WDR88: variants seen among roughly 807,000 people sequenced by gnomAD.
The protein encoded by WDR88 is WD repeat domain 88.
Under a neutral mutation model 46.8 loss-of-function variants are expected in WDR88, and 40 were observed. The observed-to-expected ratio is 0.86, with a 90% confidence interval of 0.66 to 1.11. The LOEUF is 1.11. Among genes scored for constraint, WDR88 ranks in the 50% most tolerant of loss-of-function variants. WDR88 has a pLI of 0.00. For missense variants in WDR88, 562 were observed against 602.4 expected (o/e 0.93, Z 0.70); for synonymous variants, 235 against 240.7 (o/e 0.98, Z 0.22).
At chr19:33,159,808 C>G (rs538697878) in intron 7 of WDR88, among the ~76,000 whole-genome samples, 23 of 152,074 alleles carry the variant, frequency 1.5e-4, no homozygotes, top group Non-Finnish European at 2.8e-4. Context: ...TTATTGTGCC[C>G]TTTATTTTTA....
chr19:33,168,668 T>G (rs1973991541), intron 9 of WDR88, among the ~76,000 whole-genome samples: 1 of 152,216 alleles, frequency 6.6e-6, no homozygotes, highest in South Asian at 2.1e-4. Flanking sequence ...GACTCATCAT[T>G]AAGATGTCAG....
intron 6 of WDR88, among the ~76,000 whole-genome samples, chr19:33,151,997 C>T (rs747251227): frequency 3.9e-5 from 6 of 151,912 alleles, no homozygotes; most frequent in African/African-American, 7.3e-5. Flanking sequence ...TTTGGGAGGC[C>T]GAGTGGGGCG....
At chr19:33,159,422 T>C (rs2063791293) in intron 7 of WDR88, among the ~76,000 whole-genome samples, 2 of 152,080 alleles carry the variant, frequency 1.3e-5, no homozygotes, top group African/African-American at 2.4e-5. Context: ...GCCGAAGTGC[T>C]GTTTGCCGTT....
intron 10 of WDR88, among the ~76,000 whole-genome samples, chr19:33,172,887 C>T (rs7257721): frequency 0.093 from 14,137 of 151,732 alleles, 1,050 homozygotes; most frequent in Admixed American, 0.24. Context: ...GTCAGGAGTT[C>T]GAGACCAGCC....
rs1406230196 is a variant in WDR88 at position 33,132,467 on chromosome 19, A to AAG, written c.276+22_276+23insAG. 4.3e-6 allele frequency: 7 copies of AAG among 1,611,492 alleles called. No homozygotes were observed. The South Asian group carries it at 7.7e-5, about 18-fold the overall frequency. The stretch of plus-strand genomic sequence containing the variant: ...CAAGGTCAGAACCGCCGCTGGGGTG[A>AAG]GGGGGCACTGGCCTGTTCCCCACAC... On this transcript the variant is annotated intron_variant, in intron 1 of 10. Transcript: ENST00000355868.
chr19:33,160,088 G>C (rs983063140), intron 7 of WDR88, among the ~76,000 whole-genome samples: 1 of 152,156 alleles, frequency 6.6e-6, no homozygotes, highest in Admixed American at 6.5e-5. Context: ...TAATACGAGC[G>C]ATGGGGAGTG....
At chr19:33,142,461 A>T in intron 2 of WDR88, among the ~76,000 whole-genome samples, 1 of 151,938 alleles carries the variant, frequency 6.6e-6, no homozygotes, top group East Asian at 1.9e-4. Flanking sequence ...TGGGACATGG[A>T]GAAGGACGGC....
intron 3 of WDR88, 70 bp from the exon 4 acceptor site, chr19:33,147,575 C>A: frequency 6.6e-7 from 1 of 1,505,616 alleles, no homozygotes; most frequent in Non-Finnish European, 9.2e-7. Flanking sequence ...TGCACTCCAG[C>A]TGGGGCAACA....
chr19:33,170,976 T>C (rs1974028828), intron 9 of WDR88, among the ~76,000 whole-genome samples: 1 of 152,108 alleles, frequency 6.6e-6, no homozygotes, highest in South Asian at 2.1e-4. Flanking sequence ...CCCAGCTAAA[T>C]AAAAAATATT....
chr19:33,154,489 C>G (rs1973697208), intron 6 of WDR88, among the ~76,000 whole-genome samples: 1 of 152,104 alleles, frequency 6.6e-6, no homozygotes, highest in African/African-American at 2.4e-5. Context: ...GTCTTCTGTT[C>G]CTGTGTTAGT....
Position 33,164,283 on chromosome 19 carries a change from T to TA in WDR88, c.1149+19dup. ...CTTCCAAGGTAAAAGTGGTCAAGCTTACAATATCGATCACGTTCGCCAGGA... is the reference window on the plus strand; with the variant it reads ...CTTCCAAGGTAAAAGTGGTCAAGCTTAACAATATCGATCACGTTCGCCAGGA... On this transcript the variant is annotated intron_variant, in intron 9 of 10. Coordinates refer to ENST00000355868, the MANE Select transcript of WDR88 (RefSeq NM_173479.4). 6.2e-7 allele frequency: 1 copy of TA among 1,610,042 alleles called. No individual in the cohort carries two copies. The highest frequency in any genetic ancestry group is 8.5e-7 in the Non-Finnish European group (1 of 1,176,302).
chr19:33,133,240 GA>G (rs1973176823), intron 1 of WDR88, among the ~76,000 whole-genome samples: 1 of 145,968 alleles, frequency 6.9e-6, no homozygotes, highest in African/African-American at 2.6e-5. Context: ...GAAAAAGAAA[GA>G]AAGAAGGAGA....
chr19:33,147,561 C>A, intron 3 of WDR88, 84 bp from the exon 4 acceptor site: 1 of 1,352,966 alleles, frequency 7.4e-7, no homozygotes, highest in Non-Finnish European at 1.0e-6. Flanking sequence ...CGGTATTGCA[C>A]CACTGCACTC....
At chr19:33,159,467 A>T (rs1299024021) in intron 7 of WDR88, among the ~76,000 whole-genome samples, 2 of 152,196 alleles carry the variant, frequency 1.3e-5, no homozygotes, top group Non-Finnish European at 2.9e-5. Flanking sequence ...GGGAAAATGC[A>T]TGCATCCATT....
At position 33,144,924 on chromosome 19, in the gene WDR88, C is replaced by T. The variant is rs764624376; in HGVS notation, c.468C>T (p.Asp156=). The T allele has an allele frequency of 6.2e-7, 1 of 1,613,178 alleles. No homozygotes were observed. The highest frequency in any genetic ancestry group is 8.5e-7 in the Non-Finnish European group (1 of 1,179,638). ...APVVECSITG[D]SSRVIAASYD... ...TTGTAGAGTGCAGCATCACCGGCGACAGCAGCAGGTGACCTTTCCCTCGTC... is the reference window on the plus strand; with the variant it reads ...TTGTAGAGTGCAGCATCACCGGCGATAGCAGCAGGTGACCTTTCCCTCGTC... Residue 156 remains aspartate, a synonymous_variant, in exon 3 of 11, where the codon GAC becomes GAT. Transcript: ENST00000355868.
At chr19:33,174,317 C>T (rs1974089905) in intron 10 of WDR88, 10 of 1,518,972 alleles carry the variant, frequency 6.6e-6, no homozygotes, top group Middle Eastern at 1.7e-4. Flanking sequence ...CCCCCCTCTC[C>T]AGCAGGCCTC....
rs371696429 is a variant in WDR88, at chr19:33,132,260, G to A, written c.91G>A (p.Gly31Ser). The A allele has an allele frequency of 3.5e-5, 57 of 1,612,916 alleles. No individual in the cohort carries two copies. In the Middle Eastern group the frequency reaches 4.9e-4, roughly 14 times the overall value. ...CGCCCCCGCCAGCGAGTATTGTCCC[G>A]GCAAGCTGTCCTGGGGGACCATGGC... Reference protein sequence around the residue: ...PSAPASEYCPGKLSWGTMARA... With the variant: ...PSAPASEYCPSKLSWGTMARA... The change falls in exon 1 of 11, where the codon GGC becomes AGC. Residue 31 changes from glycine to serine, a missense_variant. By Grantham distance (56) the Gly-to-Ser change is moderately conservative. Coordinates refer to ENST00000355868, the MANE Select transcript of WDR88 (RefSeq NM_173479.4).
chr19:33,140,331 T>C (rs1973363907), intron 2 of WDR88, among the ~76,000 whole-genome samples: 1 of 152,076 alleles, frequency 6.6e-6, no homozygotes, highest in Non-Finnish European at 1.5e-5. Flanking sequence ...ATTTTTTATA[T>C]TTTATATTGT....
In WDR88 at chr19:33,174,958, C is replaced by T. The variant is rs974111075; in HGVS notation, c.1243-438C>T. 3.0e-6 allele frequency: 3 copies of T among 985,300 alleles called. No homozygotes were observed. The African/African-American group carries it at 5.2e-5, about 17-fold the overall frequency. The allele number at this position is 985,300 out of a possible 1,614,324, so 61.0% of individuals were successfully genotyped here. A position where few individuals can be genotyped will look rare whatever the true frequency, so the allele number is the denominator to read the frequency against. On this transcript the variant is annotated intron_variant, in intron 10 of 10. Coordinates refer to ENST00000355868, the MANE Select transcript of WDR88 (RefSeq NM_173479.4). ...GGTTAGAGATTCCAGAGAGGGGCTG[C>T]GCCCAGTGGCTCACGCCTGTAATCC...
Sources: allele counts gnomAD v4.1 joint callset (sites outside exome capture counted in the v4.1 genomes callset), GRCh38; gene constraint gnomAD v4.1.1; transcripts MANE v1.5; gene names NCBI Gene and HGNC (gene_info 2026-07-23, HGNC 2026-07-21).